Variants in SLC12A3 observed in about 807,000 individuals in gnomAD.
The protein encoded by SLC12A3 is Na-Cl cotransporter.
A neutral mutation model predicts 121.0 loss-of-function variants in SLC12A3; 104 were observed. The ratio of observed to expected loss-of-function variants is 0.86; its 90% confidence interval spans 0.73 to 1.01. The LOEUF (loss-of-function observed/expected upper bound fraction) is 1.01, where lower values mean the gene tolerates loss of function less well. Among genes scored for constraint, SLC12A3 ranks in the 50% least tolerant of loss-of-function variants. SLC12A3 has a pLI of 0.00. For missense variants in SLC12A3, 1,328 were observed against 1,356.3 expected, an observed-to-expected ratio of 0.98 and a Z score of 0.33; for synonymous variants, 536 against 533.4, an observed-to-expected ratio of 1.00 and a Z score of -0.07.
chr16:56,902,412 G>C lies in SLC12A3; in HGVS notation c.2760G>C (p.Leu920=), dbSNP rs1434477633. 73 of 1,584,184 alleles carry C rather than the reference G, an allele frequency of 4.6e-5. No homozygotes were observed. Among genetic ancestry groups the C allele is most frequent in the Non-Finnish European group, 6.3e-5 (73 of 1,160,838 alleles). ...AGGACATGATTGCACCCTTCCGTCT[G>C]AATGATGGCTTCAAGGATGAGGCCA... The part of the protein sequence containing the change: ...RFEDMIAPFR[L]NDGFKDEATV... Residue 920 remains leucine, a synonymous_variant, in exon 24 of 26, where the codon CTG becomes CTC. Transcript: ENST00000563236.
At chr16:56,881,109 T>A (rs1269859369) in intron 12 of SLC12A3, among the ~76,000 whole-genome samples, 1 of 128,456 alleles carries the variant, frequency 7.8e-6, no homozygotes, top group Non-Finnish European at 1.6e-5. Flanking sequence ...TGATGTCCCC[T>A]GGCCCCTGCT....
At chr16:56,908,332 A>T (rs1354889526) in intron 25 of SLC12A3, among the ~76,000 whole-genome samples, 3 of 151,758 alleles carry the variant, frequency 2.0e-5, no homozygotes, top group Non-Finnish European at 4.4e-5. Flanking sequence ...TTTAGTAGAG[A>T]TGGGGTTGCA....
intron 8 of SLC12A3, among the ~76,000 whole-genome samples, chr16:56,874,320 G>A (rs1276269282): frequency 6.6e-6 from 1 of 152,234 alleles, no homozygotes; most frequent in African/African-American, 2.4e-5. Flanking sequence ...TCTGGGTGCA[G>A]GAGGCGCCAG....
At chr16:56,867,691 G>A (rs903871863) in intron 2 of SLC12A3, among the ~76,000 whole-genome samples, 22 of 152,146 alleles carry the variant, frequency 1.4e-4, no homozygotes, top group African/African-American at 4.8e-4. Context: ...TCTGAACCAC[G>A]AGCCCTCCCC....
chr16:56,887,656 G>T (rs1319083980), intron 17 of SLC12A3, among the ~76,000 whole-genome samples: 1 of 151,572 alleles, frequency 6.6e-6, no homozygotes, highest in Non-Finnish European at 1.5e-5. Flanking sequence ...GGGATGTAGG[G>T]TGTTGGTGAC....
At chr16:56,908,901 G>A (rs1276754004) in intron 25 of SLC12A3, among the ~76,000 whole-genome samples, 1 of 152,210 alleles carries the variant, frequency 6.6e-6, no homozygotes, top group African/African-American at 2.4e-5. Flanking sequence ...GTGCCTGGTG[G>A]GTGTGCATGG....
chr16:56,878,381 G>A (rs569288154), intron 9 of SLC12A3, among the ~76,000 whole-genome samples: 8 of 152,248 alleles, frequency 5.3e-5, no homozygotes, highest in Admixed American at 1.3e-4. Flanking sequence ...GGCAGTGGGC[G>A]TGGTGGGGTC....
At chr16:56,893,081 C>T (rs1261792208) in intron 21 of SLC12A3, 27 bp downstream of exon 21, 3 of 1,593,122 alleles carry the variant, frequency 1.9e-6, no homozygotes, top group East Asian at 4.5e-5. Context: ...GATCAGCCCT[C>T]CTGCCCGGCG....
At chr16:56,900,982 C>T (rs1481671531) in intron 23 of SLC12A3, among the ~76,000 whole-genome samples, 1 of 152,196 alleles carries the variant, frequency 6.6e-6, no homozygotes, top group Non-Finnish European at 1.5e-5. Flanking sequence ...GCTCCCAACC[C>T]ACTGCCCCCG....
intron 24 of SLC12A3, among the ~76,000 whole-genome samples, chr16:56,903,924 AG>A (rs2144770748): frequency 6.6e-6 from 1 of 152,378 alleles, no homozygotes; most frequent in East Asian, 1.9e-4. Flanking sequence ...TCTTTTATAA[AG>A]TATTTTTAGT....
chr16:56,896,846 C>A (rs1207000931), intron 22 of SLC12A3, among the ~76,000 whole-genome samples: 1 of 152,134 alleles, frequency 6.6e-6, no homozygotes, highest in Non-Finnish European at 1.5e-5. Flanking sequence ...AATCTCAGCA[C>A]TTTGGGAGAC....
intron 25 of SLC12A3, among the ~76,000 whole-genome samples, chr16:56,907,889 T>C (rs1287796808): frequency 6.6e-6 from 1 of 152,210 alleles, no homozygotes; most frequent in East Asian, 1.9e-4. Context: ...GGTTCTGACT[T>C]ATAGTTTCTC....
intron 8 of SLC12A3, among the ~76,000 whole-genome samples, chr16:56,876,436 A>G (rs2055164850): frequency 6.6e-6 from 1 of 152,140 alleles, no homozygotes; most frequent in Non-Finnish European, 1.5e-5. Flanking sequence ...GTTGAGTCAA[A>G]CAGGTTTGCC....
intron 9 of SLC12A3, among the ~76,000 whole-genome samples, chr16:56,878,745 C>G (rs1451586797): frequency 6.6e-6 from 1 of 152,104 alleles, no homozygotes; most frequent in African/African-American, 2.4e-5. Context: ...TCACAAATGG[C>G]CAAGGGACTT....
In SLC12A3 at chr16:56,880,363, G is replaced by C. The variant is rs1257012732; in HGVS notation, c.1567+110G>C. On this transcript the variant is annotated intron_variant, in intron 12 of 25. Transcript: ENST00000563236. The stretch of plus-strand genomic sequence containing the variant: ...GTCTCCTCATCTCCCCGCCGGGCCT[G>C]ACAGTTAGTGGGCACTAAGAGGCTA... The C allele has an allele frequency of 3.7e-6, 5 of 1,347,114 alleles. No homozygotes were observed. The Admixed American group carries it at 6.2e-5, about 17-fold the overall frequency. The allele number at this position is 1,347,114 out of a possible 1,614,324, so 83.4% of individuals were successfully genotyped here.
intron 16 of SLC12A3, 120 bp downstream of exon 16, chr16:56,886,595 G>A: frequency 2.3e-6 from 2 of 880,156 alleles, no homozygotes; most frequent in Non-Finnish European, 3.6e-6. Context: ...GACCAGCCTG[G>A]CCAACACAGC....
chr16:56,880,445 T>A (rs1476510346), intron 12 of SLC12A3, among the ~76,000 whole-genome samples, 192 bp downstream of exon 12: 1 of 152,086 alleles, frequency 6.6e-6, no homozygotes, highest in East Asian at 1.9e-4. Flanking sequence ...ATGTGATCCT[T>A]CCCCTTCCCA....
rs1964380923 is a variant in SLC12A3 at position 56,867,326 on chromosome 16, AT to A, written c.429+111del. Reference sequence around the variant, plus strand: ...GCCCTGGTGGGGCTTCAGTTTCCCCATCTGTACAATGAATTCAATGAGTTAA... The same window carrying A: ...GCCCTGGTGGGGCTTCAGTTTCCCCACTGTACAATGAATTCAATGAGTTAA... On this transcript the variant is annotated intron_variant, in intron 2 of 25. Transcript: ENST00000563236. The A allele has an allele frequency of 2.2e-5, 24 of 1,104,046 alleles. No homozygotes were observed. In the South Asian group the frequency reaches 3.4e-4, roughly 16 times the overall value. 68.4% of individuals were successfully genotyped at this position (1,104,046 alleles called of 1,614,324 possible). A position where few individuals can be genotyped will look rare whatever the true frequency, so the allele number is the denominator to read the frequency against.
chr16:56,899,662 C>A, intron 23 of SLC12A3, 46 bp downstream of exon 23: 2 of 1,335,330 alleles, frequency 1.5e-6, no homozygotes, highest in Non-Finnish European at 2.2e-6. Flanking sequence ...CAACTGTGTG[C>A]CTGGAGACCC....
Sources: gnomAD v4.1 joint callset for allele counts (sites outside exome capture counted in the v4.1 genomes callset) on GRCh38, gnomAD v4.1.1 for gene constraint, MANE v1.5 for transcripts, NCBI Gene and HGNC (gene_info 2026-07-23, HGNC 2026-07-21) for gene names.